Variants in XKR4 observed in about 807,000 individuals in gnomAD.
XKR4 encodes XK related 4.
In XKR4, 12 loss-of-function variants were observed where a neutral mutation model predicts 53.9. That is an observed-to-expected ratio of 0.22 (90% confidence interval 0.14 to 0.36). XKR4 has a LOEUF of 0.36. Among genes scored for constraint, XKR4 ranks in the 10% least tolerant of loss-of-function variants. The pLI is 1.00. For synonymous variants in XKR4, 354 were observed against 362.4 expected (o/e 0.98, Z 0.26); for missense variants, 799 against 859.5 (o/e 0.93, Z 0.88).
chr8:55,289,591 GAGAAAGAA>G (rs747365935), intron 1 of XKR4, among the ~76,000 whole-genome samples: 2,467 of 67,266 alleles, frequency 0.037, 43 homozygotes, highest in East Asian at 0.049. Flanking sequence ...AAGAAAGAAA[GAGAAAGAA>G]AGAAAGAAAG....
At chr8:55,183,050 C>T (rs920101226) in intron 1 of XKR4, among the ~76,000 whole-genome samples, 5 of 151,994 alleles carry the variant, frequency 3.3e-5, no homozygotes, top group East Asian at 3.9e-4. Flanking sequence ...GAGAATTGTT[C>T]CTAGTATCCC....
At chr8:55,191,026 G>T (rs1290234997) in intron 1 of XKR4, among the ~76,000 whole-genome samples, 2 of 152,180 alleles carry the variant, frequency 1.3e-5, no homozygotes, top group African/African-American at 4.8e-5. Flanking sequence ...TGGATCCACA[G>T]GGCTTCCCAT....
chr8:55,145,203 C>A (rs1003991894), intron 1 of XKR4, among the ~76,000 whole-genome samples: 1 of 152,082 alleles, frequency 6.6e-6, no homozygotes, highest in Non-Finnish European at 1.5e-5. Flanking sequence ...TCATAGAACA[C>A]GCCTACTCAT....
chr8:55,536,381 G>A lies in XKR4; in HGVS notation c.*12154G>A, dbSNP rs6984950. On this transcript the variant is annotated 3_prime_UTR_variant, in exon 3 of 3. Transcript: ENST00000327381. ...ACATCTGAATTTTCCAGATGATTGCGGAACCATCGTCACTAAACCAAAGTA... is the reference window on the plus strand; with the variant it reads ...ACATCTGAATTTTCCAGATGATTGCAGAACCATCGTCACTAAACCAAAGTA... 10 of 151,976 alleles carry A rather than the reference G, an allele frequency of 6.6e-5. No homozygotes were observed. The highest frequency in any genetic ancestry group is 1.3e-4 in the Admixed American group (2 of 15,278). 9.4% of individuals were successfully genotyped at this position (151,976 alleles called of 1,614,324 possible). A position where few individuals can be genotyped will look rare whatever the true frequency, so the allele number is the denominator to read the frequency against.
rs1291286012 is a variant in XKR4, at chr8:55,534,871, A to C, written c.*10644A>C. ...GTATGCAAGAGAGTCGGGCCTTCAT[A>C]TGTTCTTGTAAAGTTTTCTGTCTAA... On this transcript the variant is annotated 3_prime_UTR_variant, in exon 3 of 3. Transcript: ENST00000327381. The C allele has an allele frequency of 1.3e-5, 2 of 151,388 alleles. No individual in the cohort carries two copies. The highest frequency in any genetic ancestry group is 2.9e-5 in the Non-Finnish European group (2 of 67,940). 9.4% of individuals were successfully genotyped at this position (151,388 alleles called of 1,614,324 possible).
intron 1 of XKR4, among the ~76,000 whole-genome samples, chr8:55,175,833 T>A (rs1482290512): frequency 6.6e-6 from 1 of 152,144 alleles, no homozygotes; most frequent in East Asian, 1.9e-4. Context: ...AAAATAATCA[T>A]GTATCCACTA....
In XKR4 at chr8:55,357,841, A is replaced by T; in HGVS notation, c.970A>T (p.Ile324Phe). 3 of 1,614,130 alleles carry T rather than the reference A, an allele frequency of 1.9e-6. No individual in the cohort carries two copies. The highest frequency in any genetic ancestry group is 2.5e-6 in the Non-Finnish European group (3 of 1,180,014). ...SAPQLVLQLC[I>F]IVQTHSLQAL... ...TCCACAGCTGGTCCTGCAGCTCTGC[A>T]TTATCGTACAGACTCATAGCTTACA... Residue 324 changes from isoleucine to phenylalanine, a missense_variant, in exon 2 of 3, where the codon ATT (isoleucine) becomes TTT (phenylalanine). This residue lies in a region of XKR4 where 476 missense variants were observed against 505.4 expected (regional missense o/e 0.94). Transcript: ENST00000327381.
At chr8:55,230,874 G>A (rs949545733) in intron 1 of XKR4, among the ~76,000 whole-genome samples, 7 of 152,062 alleles carry the variant, frequency 4.6e-5, no homozygotes, top group Admixed American at 2.0e-4. Context: ...ACTGGTGCTC[G>A]GAGTAGGAGA....
At position 55,391,129 on chromosome 8, in the gene XKR4, A is replaced by G. The variant is rs138452338; in HGVS notation, c.1006+33252A>G. 1.6e-3 allele frequency among the ~76,000 whole-genome samples: 243 copies of G among 152,320 alleles called. 5 individuals carry two copies. In the South Asian group the frequency reaches 0.041, roughly 26 times the overall value. On this transcript the variant is annotated intron_variant, in intron 2 of 2. Transcript: ENST00000327381. ...GACAGAGGTCCGAATGTCTCACAACATTCTCTTTCTGGGAGGCAGTGAAGA... is the reference window on the plus strand; with the variant it reads ...GACAGAGGTCCGAATGTCTCACAACGTTCTCTTTCTGGGAGGCAGTGAAGA...
At chr8:55,359,350 T>A (rs367828777) in intron 2 of XKR4, among the ~76,000 whole-genome samples, 1 of 152,150 alleles carries the variant, frequency 6.6e-6, no homozygotes, top group South Asian at 2.1e-4. Context: ...AATGTAAAGG[T>A]CGCAAGTTAA....
chr8:55,455,745 G>T lies in XKR4; in HGVS notation c.1007-67536G>T, dbSNP rs116001841. On this transcript the variant is annotated intron_variant, in intron 2 of 2. Coordinates refer to ENST00000327381, the MANE Select transcript of XKR4 (RefSeq NM_052898.2). ...ATTTGTGCAGGTGAGACTCAAGAAA[G>T]CCAGGTGGGAAAGTAAGGCCATGGC... Among the ~76,000 whole-genome samples the T allele has an allele frequency of 5.9e-3, 900 of 152,312 alleles. 9 individuals carry two copies. The highest frequency in any genetic ancestry group is 0.02 in the African/African-American group (839 of 41,558).
chr8:55,217,491 A>G (rs866878573), intron 1 of XKR4, among the ~76,000 whole-genome samples: 109 of 152,274 alleles, frequency 7.2e-4, no homozygotes, highest in African/African-American at 2.6e-3. Flanking sequence ...TTGGTACACC[A>G]TGTTAGAAAA....
chr8:55,365,707 CAAAAAAAAA>C (rs397932881), intron 2 of XKR4, among the ~76,000 whole-genome samples: 1 of 76,160 alleles, frequency 1.3e-5, no homozygotes, highest in African/African-American at 4.6e-5. Context: ...AACTTCGTCT[CAAAAAAAAA>C]AAAAAAAAAA....
intron 1 of XKR4, among the ~76,000 whole-genome samples, chr8:55,225,145 T>C (rs1817936330): frequency 6.6e-6 from 1 of 152,220 alleles, no homozygotes; most frequent in Admixed American, 6.5e-5. Flanking sequence ...CAACATAACG[T>C]CACACAGTAT....
chr8:55,206,156 T>C (rs1817646247), intron 1 of XKR4, among the ~76,000 whole-genome samples: 1 of 152,198 alleles, frequency 6.6e-6, no homozygotes, highest in Non-Finnish European at 1.5e-5. Flanking sequence ...CAAGATTTAT[T>C]GCGAAGAGCA....
At chr8:55,373,229 C>T (rs989063787) in intron 2 of XKR4, among the ~76,000 whole-genome samples, 1 of 152,130 alleles carries the variant, frequency 6.6e-6, no homozygotes, top group African/African-American at 2.4e-5. Flanking sequence ...TACAGTGGCG[C>T]GATCTTGGCT....
intron 1 of XKR4, among the ~76,000 whole-genome samples, chr8:55,157,155 C>A (rs968107922): frequency 1.3e-5 from 2 of 152,106 alleles, no homozygotes; most frequent in African/African-American, 4.8e-5. Context: ...AAATCACGAA[C>A]CTTTATGATT....
intron 1 of XKR4, among the ~76,000 whole-genome samples, chr8:55,191,816 C>A (rs1033648939): frequency 6.6e-6 from 1 of 151,858 alleles, no homozygotes; most frequent in Non-Finnish European, 1.5e-5. Context: ...AACATTCCCA[C>A]TTTTTGACTT....
At position 55,102,289 on chromosome 8, in the gene XKR4, G is replaced by C; in HGVS notation, c.-200G>C. The C allele has an allele frequency of 1.5e-6, 1 of 654,300 alleles. No individual in the cohort carries two copies. The highest frequency in any genetic ancestry group is 1.9e-6 in the Non-Finnish European group (1 of 529,194). 40.5% of individuals were successfully genotyped at this position (654,300 alleles called of 1,614,324 possible). On this transcript the variant is annotated 5_prime_UTR_variant, in exon 1 of 3. Coordinates refer to ENST00000327381, the MANE Select transcript of XKR4 (RefSeq NM_052898.2). This position sits in a 1 kb window ranked among gnomAD's most constrained non-coding sequence, Gnocchi z 5.1. ...GGCGGCGCTCCTGCCGGCCCCAGGC[G>C]CGCCGCTAGCCCGGCCCAGCGCCCA...
Sources: allele counts gnomAD v4.1 joint callset (sites outside exome capture counted in the v4.1 genomes callset), GRCh38; gene constraint gnomAD v4.1.1; regional missense constraint gnomAD v4.1.1; non-coding constraint Gnocchi (gnomAD v3.1); transcripts MANE v1.5; gene names NCBI Gene and HGNC (gene_info 2026-07-23, HGNC 2026-07-21).